SVIL: variants seen among roughly 807,000 people sequenced by gnomAD.
SVIL encodes the protein archvillin.
A neutral mutation model predicts 240.4 loss-of-function variants in SVIL; 101 were observed. The observed-to-expected ratio is 0.42, with a 90% CI of 0.36 to 0.50. SVIL has a LOEUF of 0.50. SVIL is among the 20% of genes least tolerant of loss of function. The pLI is 0.01. For synonymous variants in SVIL, 999 were observed against 1,100.0 expected (o/e 0.91, Z 1.82); for missense variants, 2,512 against 2,818.7 (o/e 0.89, Z 2.46).
At chr10:29,699,590 C>T (rs1034504040) in intron 1 of SVIL, among the ~76,000 whole-genome samples, 8 of 152,164 alleles carry the variant, frequency 5.3e-5, no homozygotes, top group South Asian at 2.1e-4. Context: ...AGGTGTGAGC[C>T]GCCATGCCCA....
chr10:29,474,064 TC>T (rs1945892857), intron 29 of SVIL, 75 bp from the exon 30 acceptor site: 4 of 1,555,948 alleles, frequency 2.6e-6, no homozygotes, highest in South Asian at 2.3e-5. Context: ...TGGCTCACTT[TC>T]CCCGGGCCTG....
intron 2 of SVIL, among the ~76,000 whole-genome samples, chr10:29,684,499 G>A (rs1564761420): frequency 1.3e-5 from 2 of 152,188 alleles, no homozygotes; most frequent in African/African-American, 2.4e-5. Context: ...TCTGGAAATT[G>A]GTTGAAAGAG....
At chr10:29,528,518 C>T (rs201530505) in intron 12 of SVIL, among the ~76,000 whole-genome samples, 4 of 152,026 alleles carry the variant, frequency 2.6e-5, no homozygotes, top group Admixed American at 2.6e-4. Flanking sequence ...GTGGGAGGAT[C>T]GCTTGAGCCC....
At chr10:29,578,490 C>G (rs1174265570) in intron 1 of SVIL, among the ~76,000 whole-genome samples, 1 of 152,162 alleles carries the variant, frequency 6.6e-6, no homozygotes, top group African/African-American at 2.4e-5. Context: ...AGATGGTCAC[C>G]AAGATCCTTG....
intron 1 of SVIL, among the ~76,000 whole-genome samples, chr10:29,605,489 G>A (rs1319030883): frequency 1.3e-5 from 2 of 152,060 alleles, no homozygotes; most frequent in East Asian, 1.9e-4. Flanking sequence ...CTTTCCATAT[G>A]TTTTAGACTC....
chr10:29,634,025 C>T (rs1363011676), intron 1 of SVIL, among the ~76,000 whole-genome samples: 1 of 152,036 alleles, frequency 6.6e-6, no homozygotes, highest in African/African-American at 2.4e-5. Flanking sequence ...ATAAAACTTG[C>T]CCTTCTGAAC....
chr10:29,643,245 ACT>A (rs1158355278), intron 3 of SVIL, among the ~76,000 whole-genome samples: 1 of 151,722 alleles, frequency 6.6e-6, no homozygotes, highest in Non-Finnish European at 1.5e-5. Flanking sequence ...AGACAACAAC[ACT>A]CTCTGTCTCC....
intron 30 of SVIL, 137 bp from the exon 31 acceptor site, chr10:29,471,380 A>C (rs1297875004): frequency 1.5e-6 from 1 of 666,550 alleles, no homozygotes; most frequent in Non-Finnish European, 2.5e-6. Context: ...TACCACCTAA[A>C]GAGAAGCTCT....
At chr10:29,691,649 T>C (rs755831359) in intron 1 of SVIL, among the ~76,000 whole-genome samples, 4 of 152,248 alleles carry the variant, frequency 2.6e-5, no homozygotes, top group Non-Finnish European at 4.4e-5. Context: ...ACTCAGTCTT[T>C]CTGCCAAATT....
chr10:29,702,823 C>G (rs970218701), intron 1 of SVIL, among the ~76,000 whole-genome samples: 3 of 152,160 alleles, frequency 2.0e-5, no homozygotes, highest in African/African-American at 7.2e-5. Context: ...CTCAGCCCAT[C>G]ATAGATACCT....
chr10:29,533,134 T>G lies in SVIL; in HGVS notation c.1233A>C (p.Glu411Asp). The change falls in exon 8 of 38, where the codon GAA becomes GAC. Residue 411 changes from glutamate (E) to aspartate (D), a missense_variant. Physicochemically the swap from Glu to Asp is conservative, Grantham distance 45. Transcript: ENST00000355867. ...VPKPPSLTVLEGDGRDSPVLH... is the reference protein window; with the variant it reads ...VPKPPSLTVLDGDGRDSPVLH... ...GAACTGGGCTATCCCTTCCGTCACC[T>G]TCTAGAACCGTCAAGCTGGGAGGTT... The G allele has an allele frequency of 1.9e-6, 3 of 1,614,182 alleles. No homozygotes were observed. Among genetic ancestry groups the G allele is most frequent in the East Asian group, 2.2e-5 (1 of 44,868 alleles).
intron 2 of SVIL, among the ~76,000 whole-genome samples, chr10:29,682,850 G>A (rs541131689): frequency 5.3e-5 from 8 of 152,280 alleles, no homozygotes; most frequent in African/African-American, 1.7e-4. Context: ...TGGTTAATGG[G>A]GAGAGTTGGC....
chr10:29,683,884 T>C (rs371877149), intron 2 of SVIL, among the ~76,000 whole-genome samples: 1 of 152,148 alleles, frequency 6.6e-6, no homozygotes, highest in Non-Finnish European at 1.5e-5. Flanking sequence ...TCACTCTGAA[T>C]AGCCTCTCTA....
rs560582742 is a variant in SVIL at position 29,668,634 on chromosome 10, C to T, written c.-300-10566G>A. ...GACTACAGGCACGTGCTACCACACCCGGCTAATTTTTGTATTTTTAGTAGA... is the reference window on the plus strand; with the variant it reads ...GACTACAGGCACGTGCTACCACACCTGGCTAATTTTTGTATTTTTAGTAGA... On this transcript the variant is annotated intron_variant, in intron 2 of 35. Coordinates refer to the SVIL transcript ENST00000375400. 2.5e-4 allele frequency among the ~76,000 whole-genome samples: 38 copies of T among 152,166 alleles called. No homozygotes were observed. In the South Asian group the frequency reaches 6.5e-3, roughly 26 times the overall value.
chr10:29,590,836 T>C (rs1486283642), intron 1 of SVIL, among the ~76,000 whole-genome samples: 2 of 152,302 alleles, frequency 1.3e-5, no homozygotes, highest in East Asian at 1.9e-4. Flanking sequence ...CTTAAAAACT[T>C]GATTCCTGAA....
chr10:29,724,370 A>AACAC (rs9299624), intron 1 of SVIL, among the ~76,000 whole-genome samples: 45,695 of 145,886 alleles, frequency 0.31, 7,233 homozygotes, highest in South Asian at 0.37. Context: ...GAGGATTTAA[A>AACAC]ACACACACAC....
rs183587070 is a variant in SVIL at position 29,670,851 on chromosome 10, G to A, written c.-300-12783C>T. On this transcript the variant is annotated intron_variant, in intron 2 of 35. Transcript: ENST00000375400. Reference sequence around the variant, plus strand: ...ATCTGTTTCAGCCAAGACAGGAATCGTGCCCAGGATTCAAAATGGAAGGGA... The same window carrying A: ...ATCTGTTTCAGCCAAGACAGGAATCATGCCCAGGATTCAAAATGGAAGGGA... 182 of 152,302 alleles carry A rather than the reference G, an allele frequency of 1.2e-3. 2 individuals carry two copies. The highest frequency in any genetic ancestry group is 0.012 in the Admixed American group (181 of 15,292). 9.4% of individuals were successfully genotyped at this position (152,302 alleles called of 1,614,324 possible). A position where few individuals can be genotyped will look rare whatever the true frequency, so the allele number is the denominator to read the frequency against.
chr10:29,490,158 C>T (rs552652909), intron 22 of SVIL, among the ~76,000 whole-genome samples: 1 of 152,104 alleles, frequency 6.6e-6, no homozygotes, highest in Non-Finnish European at 1.5e-5. Context: ...GCTCCCCCTG[C>T]TCCCTCCAGC....
At chr10:29,720,778 T>A (rs769833398) in intron 1 of SVIL, among the ~76,000 whole-genome samples, 3 of 152,238 alleles carry the variant, frequency 2.0e-5, no homozygotes, top group Non-Finnish European at 4.4e-5. Context: ...TGTTCTTATA[T>A]GATATGTGAA....
Sources: gnomAD v4.1 joint callset for allele counts (sites outside exome capture counted in the v4.1 genomes callset) on GRCh38, gnomAD v4.1.1 for gene constraint, MANE v1.5 for transcripts, NCBI Gene and HGNC (gene_info 2026-07-23, HGNC 2026-07-21) for gene names.